Variants in UGT2B15 observed in about 807,000 individuals in gnomAD.
UGT2B15 encodes UDP-glucuronosyltransferase 2B15.
Under a neutral mutation model 45.9 loss-of-function variants are expected in UGT2B15, and 36 were observed. The observed-to-expected ratio is 0.78, with a 90% CI of 0.60 to 1.04. The LOEUF (loss-of-function observed/expected upper bound fraction) is 1.04. UGT2B15 is among the 50% of genes least tolerant of loss of function. The pLI, the probability that UGT2B15 is intolerant of heterozygous loss-of-function variation, is 0.00. For synonymous variants in UGT2B15, 219 were observed against 216.4 expected, an observed-to-expected ratio of 1.01 and a Z score of -0.11; for missense variants, 617 against 622.4, an observed-to-expected ratio of 0.99 and a Z score of 0.09.
chr4:68,649,585 T>G (rs1732591238), intron 5 of UGT2B15, among the ~76,000 whole-genome samples: 1 of 151,880 alleles, frequency 6.6e-6, no homozygotes, highest in Non-Finnish European at 1.5e-5. Context: ...CCGGTCTCCA[T>G]AAACTCTTTT....
chr4:68,663,811 C>T (rs1412416216), intron 2 of UGT2B15, among the ~76,000 whole-genome samples: 1 of 135,294 alleles, frequency 7.4e-6, no homozygotes, highest in Admixed American at 8.4e-5. Flanking sequence ...ATAAGAATCA[C>T]TGACATTCAG....
intron 5 of UGT2B15, 116 bp downstream of exon 5, chr4:68,653,921 G>A: frequency 7.4e-7 from 1 of 1,346,880 alleles, no homozygotes. Context: ...ATTTTACATT[G>A]GTTAAATCAC....
chr4:68,655,046 C>A (rs1238517594), intron 4 of UGT2B15, 49 bp downstream of exon 4: 1 of 1,581,954 alleles, frequency 6.3e-7, no homozygotes, highest in Admixed American at 1.7e-5. Flanking sequence ...TATTATCACT[C>A]CAATTTGCTG....
intron 5 of UGT2B15, 129 bp downstream of exon 5, chr4:68,653,908 C>T: frequency 8.1e-7 from 1 of 1,229,084 alleles, no homozygotes; most frequent in Non-Finnish European, 1.1e-6. Flanking sequence ...AAAGTAAGGA[C>T]AGATTTTACA....
At chr4:68,652,786 G>A (rs1478280318) in intron 5 of UGT2B15, among the ~76,000 whole-genome samples, 2 of 151,546 alleles carry the variant, frequency 1.3e-5, no homozygotes, top group South Asian at 2.1e-4. Context: ...ATAAGGGATT[G>A]TATCTATAAT....
At chr4:68,648,071 CCTAA>C (rs1354885266) in intron 5 of UGT2B15, among the ~76,000 whole-genome samples, 1 of 151,956 alleles carries the variant, frequency 6.6e-6, no homozygotes, top group African/African-American at 2.4e-5. Context: ...TGAAATGCCT[CCTAA>C]CTAGTTTCTC....
In UGT2B15 at chr4:68,670,595, G is replaced by T. The variant is rs914696769; in HGVS notation, c.24C>A (p.Val8=). Residue 8 remains valine, a synonymous_variant, in exon 1 of 6, where the codon GTC becomes GTA. Coordinates refer to ENST00000338206, the MANE Select transcript of UGT2B15 (RefSeq NM_001076.4). MSLKWTS[V]FLLIQLSCYF... ...AACAACTGAGCTGTATCAGCAGAAA[G>T]ACTGACGTCCATTTCAGAGACATCC... is the stretch of plus-strand genomic sequence containing the variant. The T allele has an allele frequency of 1.3e-6, 2 of 1,583,782 alleles. No individual in the cohort carries two copies. The highest frequency in any genetic ancestry group is 1.7e-6 in the Non-Finnish European group (2 of 1,171,962).
intron 3 of UGT2B15, among the ~76,000 whole-genome samples, chr4:68,661,167 A>AAAAGG (rs1227013418): frequency 6.6e-6 from 1 of 151,994 alleles, no homozygotes; most frequent in Admixed American, 6.6e-5. Context: ...TTTTAAATGT[A>AAAAGG]AAAGGAAAAT....
At position 68,650,220 on chromosome 4, in the gene UGT2B15, A is replaced by G. The variant is rs143361284; in HGVS notation, c.1314-2837T>C. On this transcript the variant is annotated intron_variant, in intron 5 of 5. Transcript: ENST00000338206. ...GTGCAGGTTTGTTACATACGTATAT[A>G]CGTGCCATGGTGGTTTGCAGCACCG... Among the ~76,000 whole-genome samples, 876 of 152,098 alleles carry G rather than the reference A, an allele frequency of 5.8e-3. 12 individuals are homozygous for G. The highest frequency in any genetic ancestry group is 0.02 in the African/African-American group (816 of 41,450).
intron 5 of UGT2B15, among the ~76,000 whole-genome samples, chr4:68,649,741 C>T (rs1218212268): frequency 1.3e-5 from 2 of 151,962 alleles, no homozygotes; most frequent in Non-Finnish European, 2.9e-5. Context: ...GTTTTATCTC[C>T]TTAAATAAAA....
rs1578202536 is a variant in UGT2B15, at chr4:68,670,218, T to C, written c.401A>G (p.Asn134Ser). 1 of 1,614,056 alleles carries C rather than the reference T, an allele frequency of 6.2e-7. No individual in the cohort carries two copies. Among genetic ancestry groups the C allele is most frequent in the Non-Finnish European group, 8.5e-7 (1 of 1,179,986 alleles). Reference sequence around the variant, plus strand: ...TTGTAGTTTCATCATAAGTTTCTTATTCAAAACTGCATCTTTACAGAGCTT... The same window carrying C: ...TTGTAGTTTCATCATAAGTTTCTTACTCAAAACTGCATCTTTACAGAGCTT... ...SNKLCKDAVLNKKLMMKLQES... is the reference protein window; with the variant it reads ...SNKLCKDAVLSKKLMMKLQES... Residue 134 changes from asparagine (N) to serine (S), a missense_variant, in exon 1 of 6, where the codon AAT becomes AGT. Asn to Ser is a conservative substitution (Grantham distance 46). Coordinates refer to ENST00000338206, the MANE Select transcript of UGT2B15 (RefSeq NM_001076.4).
rs569291276 is a variant in UGT2B15, at chr4:68,670,004, T to G, written c.615A>C (p.Gln205His). The G allele has an allele frequency of 3.1e-6, 5 of 1,613,928 alleles. No homozygotes were observed. In the African/African-American group the frequency reaches 6.7e-5, roughly 22 times the overall value. The change falls in exon 1 of 6, where the codon CAA becomes CAC. Residue 205 changes from glutamine to histidine, a missense_variant. By Grantham distance (24) the Gln-to-His change is conservative. Coordinates refer to ENST00000338206, the MANE Select transcript of UGT2B15 (RefSeq NM_001076.4). ...VPVVMSELSD[Q>H]MIFMERIKNM... Reference sequence around the variant, plus strand: ...TTTTTATCCTCTCCATGAAAATCATTTGATCACTTAATTCTGACATAACAA... The same window carrying G: ...TTTTTATCCTCTCCATGAAAATCATGTGATCACTTAATTCTGACATAACAA...
chr4:68,665,984 G>A (rs1429247346), intron 2 of UGT2B15, among the ~76,000 whole-genome samples: 1 of 152,004 alleles, frequency 6.6e-6, no homozygotes, highest in African/African-American at 2.4e-5. Context: ...CCTGGGGGGT[G>A]GAGGTTTCAG....
At chr4:68,656,375 T>C (rs1236002328) in intron 3 of UGT2B15, among the ~76,000 whole-genome samples, 3 of 140,396 alleles carry the variant, frequency 2.1e-5, no homozygotes, top group African/African-American at 5.2e-5. Context: ...CAGTGCTTAG[T>C]GATCACATTT....
intron 5 of UGT2B15, among the ~76,000 whole-genome samples, chr4:68,650,335 T>C (rs796867708): frequency 1.1e-4 from 16 of 152,078 alleles, no homozygotes; most frequent in African/African-American, 3.9e-4. Context: ...GTGTGTGTTG[T>C]TCCCCTCCCT....
rs1227289695 is a variant in UGT2B15, at chr4:68,666,936, G to A, written c.873+1104C>T. Among the ~76,000 whole-genome samples the A allele has an allele frequency of 3.3e-5, 5 of 150,950 alleles. No individual in the cohort carries two copies. In the South Asian group the frequency reaches 6.3e-4, roughly 19 times the overall value. The stretch of plus-strand genomic sequence containing the variant: ...TAACTTTTGTATTTTTAGTAGAGAC[G>A]GGGTTTCACCATGCTGGCCACTCTG... On this transcript the variant is annotated intron_variant, in intron 2 of 5. Transcript: ENST00000338206.
intron 2 of UGT2B15, among the ~76,000 whole-genome samples, chr4:68,665,442 A>G (rs1733091300): frequency 6.6e-6 from 1 of 152,060 alleles, no homozygotes. Context: ...GTTTTTAACC[A>G]TTTCTTAATG....
rs143970353 is a variant in UGT2B15, at chr4:68,664,336, A to G, written c.874-1197T>C. Among the ~76,000 whole-genome samples the G allele has an allele frequency of 9.2e-3, 1,386 of 150,932 alleles. 20 individuals carry two copies. Among genetic ancestry groups the G allele is most frequent in the African/African-American group, 0.032 (1,317 of 41,180 alleles). On this transcript the variant is annotated intron_variant, in intron 2 of 5. Coordinates refer to ENST00000338206, the MANE Select transcript of UGT2B15 (RefSeq NM_001076.4). ...CCATAAGTTTCCTGGATATCATATC[A>G]AAATTGTATACTCATCTTTTTGTTG...
chr4:68,650,646 C>G (rs913644921), intron 5 of UGT2B15, among the ~76,000 whole-genome samples: 1 of 151,938 alleles, frequency 6.6e-6, no homozygotes, highest in African/African-American at 2.4e-5. Context: ...GATTTATATG[C>G]CTTTGGGTAT....
Sources: gnomAD v4.1 joint callset for allele counts (sites outside exome capture counted in the v4.1 genomes callset) on GRCh38, gnomAD v4.1.1 for gene constraint, MANE v1.5 for transcripts, NCBI Gene and HGNC (gene_info 2026-07-23, HGNC 2026-07-21) for gene names.